ZMYND8: variants seen among roughly 807,000 people sequenced by gnomAD.
ZMYND8 encodes MYND-type zinc finger-containing chromatin reader ZMYND8.
A neutral mutation model predicts 140.8 loss-of-function variants in ZMYND8; 37 were observed. The ratio of observed to expected loss-of-function variants is 0.26; its 90% CI spans 0.20 to 0.35. The LOEUF (loss-of-function observed/expected upper bound fraction) is 0.35. ZMYND8 is among the 10% of genes least tolerant of loss of function. The pLI is 1.00. For synonymous variants in ZMYND8, 592 were observed against 597.1 expected, an observed-to-expected ratio of 0.99 and a Z score of 0.12; for missense variants, 1,068 against 1,570.0, an observed-to-expected ratio of 0.68 and a Z score of 5.40.
Position 47,339,179 on chromosome 20 carries a change from G to A in ZMYND8, c.85+8677C>T, listed in dbSNP as rs528853406. ...AGTAGAGACGGGGTTTCACTGTGTT[G>A]GCCAAAATGGTCTCGATCTCCTGAC... On this transcript the variant is annotated intron_variant, in intron 2 of 22. Transcript: ENST00000471951. Among the ~76,000 whole-genome samples the A allele has an allele frequency of 5.3e-5, 8 of 151,392 alleles. No individual in the cohort carries two copies. The South Asian group carries it at 6.3e-4, about 12-fold the overall frequency.
chr20:47,225,606 G>GGGAGGGTAAT (rs2037605046), intron 18 of ZMYND8, among the ~76,000 whole-genome samples: 1 of 38,808 alleles, frequency 2.6e-5, no homozygotes, highest in Non-Finnish European at 5.3e-5. Flanking sequence ...AGGAGGGGAT[G>GGGAGGGTAAT]GGAGGGGAAT....
At chr20:47,341,932 G>A (rs1456293157) in intron 2 of ZMYND8, among the ~76,000 whole-genome samples, 2 of 152,158 alleles carry the variant, frequency 1.3e-5, no homozygotes, top group Non-Finnish European at 2.9e-5. Flanking sequence ...GAACCCGGGA[G>A]GCGGAGCTTG....
At chr20:47,320,830 G>A (rs1005989295) in intron 2 of ZMYND8, 4 of 152,192 alleles carry the variant, frequency 2.6e-5, no homozygotes, top group Non-Finnish European at 4.4e-5. Flanking sequence ...AAGGATAGAC[G>A]GGGTAGCCAC....
intron 2 of ZMYND8, among the ~76,000 whole-genome samples, chr20:47,337,982 T>C (rs1385431410): frequency 6.6e-6 from 1 of 152,068 alleles, no homozygotes. Context: ...GGAATAGGAC[T>C]GAGGAATTCT....
rs150034849 is a variant in ZMYND8, at chr20:47,352,043, C to T, written c.15-4117G>A. 75 of 978,728 alleles carry T rather than the reference C, an allele frequency of 7.7e-5. No homozygotes were observed. In the African/African-American group the frequency reaches 1.1e-3, roughly 15 times the overall value. 60.6% of individuals were successfully genotyped at this position (978,728 alleles called of 1,614,324 possible). A position where few individuals can be genotyped will look rare whatever the true frequency, so the allele number is the denominator to read the frequency against. The stretch of plus-strand genomic sequence containing the variant: ...TCAACATGAGGCTCTGTGATGAGGC[C>T]CCCTTGCCCTCAAATTAGGTGGGTA... On this transcript the variant is annotated intron_variant, in intron 1 of 22. Coordinates refer to ENST00000471951, the MANE Select transcript of ZMYND8 (RefSeq NM_001281775.3).
intron 21 of ZMYND8, 138 bp downstream of exon 21, chr20:47,220,120 C>CA: frequency 1.4e-6 from 1 of 709,348 alleles, no homozygotes; most frequent in Non-Finnish European, 2.3e-6. Flanking sequence ...CCCACTGACC[C>CA]ACCCCAGGCA....
intron 3 of ZMYND8, 125 bp downstream of exon 3, chr20:47,309,931 G>T: frequency 2.3e-6 from 3 of 1,323,732 alleles, no homozygotes; most frequent in Non-Finnish European, 3.1e-6. Context: ...CAAGGCAAAT[G>T]ACAGCCAGCG....
chr20:47,280,402 C>G lies in ZMYND8; in HGVS notation c.998+1700G>C, dbSNP rs559222573. ...TTCCACGACAGCTCTCATCCAGAAC[C>G]AAGACCTAAACACACAAATGGTTTT... is the stretch of plus-strand genomic sequence containing the variant. On this transcript the variant is annotated intron_variant, in intron 10 of 22. Transcript: ENST00000471951. Among the ~76,000 whole-genome samples, 6 of 152,260 alleles carry G rather than the reference C, an allele frequency of 3.9e-5. No homozygotes were observed. The East Asian group carries it at 1.2e-3, about 29-fold the overall frequency.
At position 47,232,897 on chromosome 20, in the gene ZMYND8, G is replaced by GTT. The variant is rs144707608; in HGVS notation, c.2857-3093_2857-3092dup. On this transcript the variant is annotated intron_variant, in intron 16 of 22. Coordinates refer to ENST00000471951, the MANE Select transcript of ZMYND8 (RefSeq NM_001281775.3). ...GACAACCTCCCCCATGTTTTTTTTT[G>GTT]TTTTTTTTGTTTTTTTTTTTTTTTG... is the stretch of plus-strand genomic sequence containing the variant. Among the ~76,000 whole-genome samples the GTT allele has an allele frequency of 7.7e-3, 542 of 70,056 alleles. 16 individuals carry two copies. Among genetic ancestry groups the GTT allele is most frequent in the African/African-American group, 0.022 (504 of 23,354 alleles). The allele number at this position is 70,056 out of a possible 152,430, so 46.0% of individuals were successfully genotyped here. A position where few individuals can be genotyped will look rare whatever the true frequency, so the allele number is the denominator to read the frequency against.
chr20:47,266,433 A>T (rs1404069765), intron 11 of ZMYND8, among the ~76,000 whole-genome samples: 2 of 151,738 alleles, frequency 1.3e-5, no homozygotes, highest in Non-Finnish European at 2.9e-5. Flanking sequence ...GGCGCCCACC[A>T]CCACGCCCGG....
intron 2 of ZMYND8, among the ~76,000 whole-genome samples, chr20:47,316,788 C>T (rs2079432052): frequency 2.0e-5 from 3 of 148,990 alleles, no homozygotes; most frequent in South Asian, 4.2e-4. Flanking sequence ...GAGCAAGACT[C>T]GCTCTCAAAA....
In ZMYND8 at chr20:47,246,025, G is replaced by A; in HGVS notation, c.2267C>T (p.Pro756Leu). ...GRKNKKEPKE[P>L]SPKQDVVGKT... ...TCACTTACCATCCTGTTTGGGAGAT[G>A]GTTCTTTGGGTTCCTTCTTATTTTT... Residue 756 changes from proline (P) to leucine (L), a missense_variant, in exon 14 of 23, where the codon CCA becomes CTA. By Grantham distance (98) the Pro-to-Leu change is moderately conservative. This residue lies in a region of ZMYND8 where 383 missense variants were observed against 431.2 expected (regional missense o/e 0.89). Transcript: ENST00000471951. The A allele has an allele frequency of 6.3e-7, 1 of 1,599,498 alleles. No individual in the cohort carries two copies. Among genetic ancestry groups the A allele is most frequent in the East Asian group, 2.2e-5 (1 of 44,796 alleles).
At chr20:47,220,204 C>T in intron 21 of ZMYND8, 54 bp downstream of exon 21, 5 of 1,453,642 alleles carry the variant, frequency 3.4e-6, no homozygotes, top group Non-Finnish European at 4.7e-6. Flanking sequence ...AATGGCTCCC[C>T]ATCTGCCCAT....
intron 1 of ZMYND8, chr20:47,354,454 G>A (rs886349075): frequency 5.9e-5 from 9 of 152,208 alleles, no homozygotes; most frequent in African/African-American, 1.7e-4. Context: ...ATAGCTGAGT[G>A]TCTGAACTTA....
intron 2 of ZMYND8, among the ~76,000 whole-genome samples, chr20:47,329,989 C>T (rs1256006276): frequency 6.6e-6 from 1 of 152,074 alleles, no homozygotes; most frequent in Non-Finnish European, 1.5e-5. Flanking sequence ...TGAATACTTT[C>T]GTGGGCAATT....
intron 8 of ZMYND8, 35 bp from the exon 9 acceptor site, chr20:47,283,683 C>G (rs1222594794): frequency 1.2e-6 from 2 of 1,601,650 alleles, no homozygotes; most frequent in Non-Finnish European, 1.7e-6. Context: ...TGTGTCACCC[C>G]AGGGGTGGAT....
intron 1 of ZMYND8, 35 bp from the exon 2 acceptor site, chr20:47,347,961 G>C: frequency 6.2e-7 from 1 of 1,609,464 alleles, no homozygotes; most frequent in East Asian, 2.2e-5. Context: ...TGTTTAGGAA[G>C]GCTGAGAACT....
At chr20:47,226,223 G>A (rs1353742607) in intron 18 of ZMYND8, among the ~76,000 whole-genome samples, 1 of 152,000 alleles carries the variant, frequency 6.6e-6, no homozygotes. Flanking sequence ...TGAACCAAGG[G>A]CTCCTCTCCA....
intron 22 of ZMYND8, 45 bp from the exon 23 acceptor site, chr20:47,210,942 C>CCTG (rs1406916096): frequency 1.3e-6 from 2 of 1,597,478 alleles, no homozygotes; most frequent in South Asian, 2.2e-5. Context: ...CCCACCTGCG[C>CCTG]CTGAGCACAA....
Sources: gnomAD v4.1 joint callset for allele counts (sites outside exome capture counted in the v4.1 genomes callset) on GRCh38, gnomAD v4.1.1 for gene constraint, gnomAD v4.1.1 regional missense constraint, MANE v1.5 for transcripts, NCBI Gene and HGNC (gene_info 2026-07-23, HGNC 2026-07-21) for gene names.